The following CSMD3 variants were observed in gnomAD, a reference collection of about 807,000 sequenced individuals.
CSMD3 encodes the protein CUB and sushi domain-containing protein 3.
CSMD3 carries 177 observed loss-of-function variants against 435.2 expected under a neutral mutation model. The observed-to-expected ratio is 0.41, with a 90% confidence interval of 0.36 to 0.46. CSMD3 has a LOEUF of 0.46. Among genes scored for constraint, CSMD3 ranks in the 20% least tolerant of loss-of-function variants. CSMD3 has a pLI of 0.34. For synonymous variants in CSMD3, 1,656 were observed against 1,520.5 expected (o/e 1.09, Z -2.07); for missense variants, 4,265 against 4,504.6 (o/e 0.95, Z 1.52).
intron 3 of CSMD3, among the ~76,000 whole-genome samples, chr8:113,216,540 G>T (rs991075061): frequency 3.3e-5 from 5 of 151,858 alleles, no homozygotes; most frequent in African/African-American, 1.2e-4. Flanking sequence ...TTCAAAAAAT[G>T]TTAAATATGA....
intron 5 of CSMD3, among the ~76,000 whole-genome samples, chr8:113,037,304 C>T (rs2087395665): frequency 6.6e-6 from 1 of 152,010 alleles, no homozygotes; most frequent in Admixed American, 6.6e-5. Flanking sequence ...AGCTTGAAAT[C>T]ACTAATAATA....
intron 38 of CSMD3, among the ~76,000 whole-genome samples, chr8:112,358,964 A>G (rs1045559035): frequency 3.3e-5 from 5 of 152,236 alleles, no homozygotes; most frequent in African/African-American, 1.2e-4. Flanking sequence ...AATAAACTAA[A>G]AACATAGTAA....
At chr8:112,503,015 C>G (rs532508783) in intron 30 of CSMD3, among the ~76,000 whole-genome samples, 1 of 152,110 alleles carries the variant, frequency 6.6e-6, no homozygotes, top group Non-Finnish European at 1.5e-5. Flanking sequence ...CATTTAAACA[C>G]TAGCAGAAGT....
rs1348840557 is a variant in CSMD3 at position 112,386,566 on chromosome 8, T to C, written c.5935-2903A>G. ...AGGATGGAGTGCAGTGGCGCGATCT[T>C]AGCTCACTGCAACCTCTGCCTCCCG... On this transcript the variant is annotated intron_variant, in intron 36 of 70. Coordinates refer to ENST00000297405, the MANE Select transcript of CSMD3 (RefSeq NM_198123.2). Among the ~76,000 whole-genome samples, 7 of 151,994 alleles carry C rather than the reference T, an allele frequency of 4.6e-5. No individual in the cohort carries two copies. The South Asian group carries it at 6.2e-4, about 14-fold the overall frequency.
At chr8:113,376,772 C>G in intron 1 of CSMD3, 1 of 1,613,916 alleles carries the variant, frequency 6.2e-7, no homozygotes, top group African/African-American at 1.3e-5. Flanking sequence ...GTACAGGTTT[C>G]CAGCAAAGGA....
chr8:113,195,794 T>TAA lies in CSMD3; in HGVS notation c.515-21879_515-21878insTT, dbSNP rs1316126841. Among the ~76,000 whole-genome samples the TAA allele has an allele frequency of 4.8e-4, 61 of 126,014 alleles. 1 individual carries two copies. The highest frequency in any genetic ancestry group is 4.3e-3 in the Admixed American group (55 of 12,804). The allele number at this position is 126,014 out of a possible 152,430, so 82.7% of individuals were successfully genotyped here. A position where few individuals can be genotyped will look rare whatever the true frequency, so the allele number is the denominator to read the frequency against. ...TATAATATTCATATCCTATATTTTA[T>TAA]ATATATATATATATATATATACACA... On this transcript the variant is annotated intron_variant, in intron 3 of 70. Transcript: ENST00000297405.
At chr8:112,338,177 A>C (rs1824757009) in intron 42 of CSMD3, among the ~76,000 whole-genome samples, 1 of 152,200 alleles carries the variant, frequency 6.6e-6, no homozygotes, top group Non-Finnish European at 1.5e-5. Context: ...TTTTCTACAG[A>C]TCACAATATA....
At chr8:112,509,419 C>T (rs1428710346) in intron 28 of CSMD3, among the ~76,000 whole-genome samples, 1 of 151,970 alleles carries the variant, frequency 6.6e-6, no homozygotes, top group Non-Finnish European at 1.5e-5. Context: ...TCCTTTCTAC[C>T]TCTCATTCTC....
intron 15 of CSMD3, 90 bp downstream of exon 15, chr8:112,685,316 G>C (rs1050960560): frequency 9.5e-7 from 1 of 1,049,526 alleles, no homozygotes; most frequent in East Asian, 2.6e-5. Flanking sequence ...TTCTTAACTA[G>C]GAAACAAGGG....
At chr8:112,514,991 T>A (rs1036202373) in intron 28 of CSMD3, among the ~76,000 whole-genome samples, 9 of 152,174 alleles carry the variant, frequency 5.9e-5, no homozygotes, top group East Asian at 1.9e-4. Flanking sequence ...CACAGTATCA[T>A]TATCTATAGA....
Position 112,346,195 on chromosome 8 carries a change from A to G in CSMD3, c.6344T>C (p.Met2115Thr), listed in dbSNP as rs1323595899. The G allele has an allele frequency of 1.2e-6, 2 of 1,610,750 alleles. No individual in the cohort carries two copies. The highest frequency in any genetic ancestry group is 2.7e-5 in the African/African-American group (2 of 74,892). The change falls in exon 41 of 71, where the codon ATG becomes ACG. Residue 2115 changes from methionine (M) to threonine (T), a missense_variant. Coordinates refer to ENST00000297405, the MANE Select transcript of CSMD3 (RefSeq NM_198123.2). ...GAGGATCACACCACTGAAGTCTGAC[A>G]TAGCACCACCACACTGAGCTGCAAA... ...PICLAQCGGA[M>T]SDFSGVILSP...
At chr8:113,072,169 C>T (rs549461825) in intron 5 of CSMD3, among the ~76,000 whole-genome samples, 1 of 151,804 alleles carries the variant, frequency 6.6e-6, no homozygotes, top group East Asian at 1.9e-4. Flanking sequence ...TGCAACTTTA[C>T]TGAATTTGTT....
At chr8:113,292,384 T>A (rs116735608) in intron 2 of CSMD3, among the ~76,000 whole-genome samples, 2,026 of 151,892 alleles carry the variant, frequency 0.013, 55 homozygotes, top group African/African-American at 0.047. Context: ...TTAAGAAAAT[T>A]CAATAATATA....
At chr8:112,896,225 G>GGGT (rs928462496) in intron 10 of CSMD3, among the ~76,000 whole-genome samples, 1 of 151,318 alleles carries the variant, frequency 6.6e-6, no homozygotes, top group Admixed American at 6.6e-5. Flanking sequence ...GTCCACATGT[G>GGGT]GGTGTTCTGG....
intron 10 of CSMD3, among the ~76,000 whole-genome samples, chr8:112,872,755 A>C (rs556916149): frequency 6.6e-6 from 1 of 152,100 alleles, no homozygotes; most frequent in African/African-American, 2.4e-5. Flanking sequence ...GCTTTTCATA[A>C]AAATAAAAAC....
In CSMD3 at chr8:112,314,419, C is replaced by A. The variant is rs1822269040; in HGVS notation, c.7549+10G>T. On this transcript the variant is annotated intron_variant, in intron 48 of 70. Transcript: ENST00000297405. ...TTGATGAATATCCAATAAATATAAC[C>A]CTTGGTTACCATCATACACCTGAAG... The A allele has an allele frequency of 1.3e-6, 2 of 1,567,906 alleles. No individual in the cohort carries two copies. The highest frequency in any genetic ancestry group is 2.7e-5 in the African/African-American group (2 of 73,820).
intron 13 of CSMD3, among the ~76,000 whole-genome samples, chr8:112,693,577 T>G (rs1489745066): frequency 2.0e-5 from 3 of 152,066 alleles, no homozygotes; most frequent in Non-Finnish European, 4.4e-5. Context: ...TCCATTCTTT[T>G]AAGAGCTAGG....
At chr8:112,506,924 G>C (rs2130933559) in intron 28 of CSMD3, 95 bp from the exon 29 acceptor site, 1 of 1,134,654 alleles carries the variant, frequency 8.8e-7, no homozygotes, top group South Asian at 1.3e-5. Flanking sequence ...AAGAGCTTAT[G>C]AGGCTTTGTA....
At chr8:112,757,386 G>A (rs1375986128) in intron 13 of CSMD3, among the ~76,000 whole-genome samples, 1 of 151,826 alleles carries the variant, frequency 6.6e-6, no homozygotes, top group Non-Finnish European at 1.5e-5. Flanking sequence ...ATATTTAGAT[G>A]TATATATATA....
Sources: gnomAD v4.1 joint callset for allele counts (sites outside exome capture counted in the v4.1 genomes callset) on GRCh38, gnomAD v4.1.1 for gene constraint, MANE v1.5 for transcripts, NCBI Gene and HGNC (gene_info 2026-07-23, HGNC 2026-07-21) for gene names.